Variants in SPATS1 observed in about 807,000 individuals in gnomAD.
SPATS1 encodes spermatogenesis-associated serine-rich protein 1.
A neutral mutation model predicts 33.6 loss-of-function variants in SPATS1; 23 were observed. The ratio of observed to expected loss-of-function variants is 0.68; its 90% CI spans 0.49 to 0.97. The LOEUF (loss-of-function observed/expected upper bound fraction) is 0.97. SPATS1 is among the 50% of genes least tolerant of loss of function. The pLI is 0.00. For synonymous variants in SPATS1, 131 were observed against 125.6 expected (o/e 1.04, Z -0.29); for missense variants, 327 against 361.0 (o/e 0.91, Z 0.76).
In SPATS1 at chr6:44,348,729, A is replaced by G. The variant is rs970496166; in HGVS notation, c.140-3997A>G. On this transcript the variant is annotated intron_variant, in intron 2 of 8. Coordinates refer to ENST00000674044, the MANE Select transcript of SPATS1 (RefSeq NM_001372081.1). Reference sequence around the variant, plus strand: ...TTTTGCGCGGTGGCTCACGCCTGTAATACCAGCACTTTGGGAGGCCAAGGC... The same window carrying G: ...TTTTGCGCGGTGGCTCACGCCTGTAGTACCAGCACTTTGGGAGGCCAAGGC... 2.0e-5 allele frequency among the ~76,000 whole-genome samples: 3 copies of G among 152,218 alleles called. No homozygotes were observed. The South Asian group carries it at 6.2e-4, about 32-fold the overall frequency.
At chr6:44,377,007 A>AT (rs1387820378) in intron 8 of SPATS1, 28 bp from the exon 9 acceptor site, 1 of 1,613,996 alleles carries the variant, frequency 6.2e-7, no homozygotes, top group South Asian at 1.1e-5. Flanking sequence ...ATGGAAGAAA[A>AT]CCTGTAACTC....
chr6:44,342,962 C>T (rs1787652917), intron 1 of SPATS1, 134 bp from the exon 2 acceptor site: 8 of 1,271,348 alleles, frequency 6.3e-6, no homozygotes, highest in African/African-American at 1.5e-5. Flanking sequence ...GTAAGGCTCC[C>T]GTTTAGAGGC....
At chr6:44,373,836 C>G (rs1789773588) in intron 7 of SPATS1, among the ~76,000 whole-genome samples, 1 of 152,284 alleles carries the variant, frequency 6.6e-6, no homozygotes, top group South Asian at 2.1e-4. Context: ...CCTTTGAGTA[C>G]CGTTTATGCA....
At chr6:44,372,123 G>A (rs939582993) in intron 7 of SPATS1, among the ~76,000 whole-genome samples, 23 of 146,672 alleles carry the variant, frequency 1.6e-4, no homozygotes, top group South Asian at 1.1e-3. Context: ...GTGTGGTGGC[G>A]CGCACCTGTA....
chr6:44,369,284 T>G (rs543201123), intron 6 of SPATS1, among the ~76,000 whole-genome samples: 2 of 152,252 alleles, frequency 1.3e-5, no homozygotes, highest in South Asian at 4.1e-4. Flanking sequence ...GGCTCACGCC[T>G]GTAACCCCAG....
intron 2 of SPATS1, among the ~76,000 whole-genome samples, chr6:44,351,628 T>C (rs1583079750): frequency 6.6e-6 from 1 of 152,332 alleles, no homozygotes; most frequent in South Asian, 2.1e-4. Context: ...TACATAACTG[T>C]ATGAGATGAT....
intron 2 of SPATS1, among the ~76,000 whole-genome samples, chr6:44,346,135 C>A (rs1787867160): frequency 6.6e-6 from 1 of 151,570 alleles, no homozygotes; most frequent in African/African-American, 2.4e-5. Flanking sequence ...ACAACAACAA[C>A]AAAAAAATAG....
chr6:44,376,276 G>C, intron 7 of SPATS1, 82 bp from the exon 8 acceptor site: 1 of 808,920 alleles, frequency 1.2e-6, no homozygotes, highest in Non-Finnish European at 2.0e-6. Context: ...TTTACTTTTG[G>C]AGCACATAAT....
At chr6:44,370,697 C>A (rs546651740) in intron 7 of SPATS1, among the ~76,000 whole-genome samples, 1 of 152,216 alleles carries the variant, frequency 6.6e-6, no homozygotes, top group African/African-American at 2.4e-5. Flanking sequence ...AGGGTCTAAC[C>A]CACTCTGGAG....
rs1790103438 is a variant in SPATS1, at chr6:44,379,469, T to C, written c.*2406T>C. ...AGCCAGGCATGGTGGTGGGCACCTA[T>C]AGTCCCAGGACTGTACTATACTCGG... On this transcript the variant is annotated 3_prime_UTR_variant, in exon 9 of 9. Coordinates refer to ENST00000674044, the MANE Select transcript of SPATS1 (RefSeq NM_001372081.1). Among the ~76,000 whole-genome samples, 1 of 151,510 alleles carries C rather than the reference T, an allele frequency of 6.6e-6. No homozygotes were observed. The highest frequency in any genetic ancestry group is 2.1e-4 in the South Asian group (1 of 4,796).
At chr6:44,360,416 C>T (rs757233870) in intron 3 of SPATS1, 30 bp from the exon 4 acceptor site, 28 of 1,613,342 alleles carry the variant, frequency 1.7e-5, no homozygotes, top group South Asian at 9.9e-5. Flanking sequence ...AGTTTAAGCA[C>T]GTGGAAGAAT....
intron 3 of SPATS1, among the ~76,000 whole-genome samples, chr6:44,356,737 A>G (rs1426275727): frequency 6.6e-6 from 1 of 152,232 alleles, no homozygotes; most frequent in Non-Finnish European, 1.5e-5. Flanking sequence ...CCTTACAAGC[A>G]AGCAGGAGTG....
At chr6:44,373,996 T>A (rs1006266561) in intron 7 of SPATS1, among the ~76,000 whole-genome samples, 1 of 152,336 alleles carries the variant, frequency 6.6e-6, no homozygotes, top group African/African-American at 2.4e-5. Context: ...AAAGCAAATA[T>A]GGTACAATGT....
rs1176952303 is a variant in SPATS1 at position 44,377,206 on chromosome 6, T to C, written c.*143T>C. The stretch of plus-strand genomic sequence containing the variant: ...TGCTTTGCTTTTTTAAAACTTTATA[T>C]TTTGAAAACTTTCACATTTACATAA... On this transcript the variant is annotated 3_prime_UTR_variant, in exon 9 of 9. Coordinates refer to ENST00000674044, the MANE Select transcript of SPATS1 (RefSeq NM_001372081.1). 1 of 965,316 alleles carries C rather than the reference T, an allele frequency of 1.0e-6. No homozygotes were observed. The highest frequency in any genetic ancestry group is 1.6e-6 in the Non-Finnish European group (1 of 640,720). The allele number at this position is 965,316 out of a possible 1,614,324, so 59.8% of individuals were successfully genotyped here.
chr6:44,372,986 A>C (rs754232898), intron 7 of SPATS1, among the ~76,000 whole-genome samples: 48 of 152,184 alleles, frequency 3.2e-4, no homozygotes, highest in Non-Finnish European at 5.9e-4. Context: ...AACTAAAATG[A>C]TTTTTAGCCC....
At chr6:44,362,084 C>A in intron 5 of SPATS1, 92 bp downstream of exon 5, 4 of 1,488,282 alleles carry the variant, frequency 2.7e-6, no homozygotes, top group Admixed American at 1.7e-5. Flanking sequence ...CTGGGGGCAG[C>A]CCTGTAGAGT....
chr6:44,376,191 G>A (rs1789939269), intron 7 of SPATS1, among the ~76,000 whole-genome samples, 167 bp from the exon 8 acceptor site: 1 of 152,150 alleles, frequency 6.6e-6, no homozygotes, highest in South Asian at 2.1e-4. Flanking sequence ...CTGAACAAGA[G>A]GGTTTGAGGC....
chr6:44,374,083 G>T (rs1287819320), intron 7 of SPATS1, among the ~76,000 whole-genome samples: 1 of 152,206 alleles, frequency 6.6e-6, no homozygotes, highest in Admixed American at 6.5e-5. Flanking sequence ...TCCTAGATGA[G>T]GCATTGCAGT....
At position 44,354,925 on chromosome 6, in the gene SPATS1, C is replaced by T. The variant is rs148062227; in HGVS notation, c.287+2052C>T. On this transcript the variant is annotated intron_variant, in intron 3 of 8. Coordinates refer to ENST00000674044, the MANE Select transcript of SPATS1 (RefSeq NM_001372081.1). ...GACCTCCCAGGCTGAAGCAATCCTC[C>T]TGCCTCAGCCTCCTGAGTAGCTGGG... Among the ~76,000 whole-genome samples, 377 of 152,304 alleles carry T rather than the reference C, an allele frequency of 2.5e-3. 3 individuals are homozygous for T. The highest frequency in any genetic ancestry group is 8.4e-3 in the African/African-American group (350 of 41,560).
Sources: gnomAD v4.1 joint callset for allele counts (sites outside exome capture counted in the v4.1 genomes callset) on GRCh38, gnomAD v4.1.1 for gene constraint, MANE v1.5 for transcripts, NCBI Gene and HGNC (gene_info 2026-07-23, HGNC 2026-07-21) for gene names.